The following WNT5A variants were observed in gnomAD, a reference collection of about 807,000 sequenced individuals.
WNT5A encodes Wnt family member 5A, also known as protein Wnt-5a.
WNT5A carries 9 observed loss-of-function variants against 42.1 expected under a neutral mutation model. The ratio of observed to expected loss-of-function variants is 0.21; its 90% CI spans 0.13 to 0.37. WNT5A has a LOEUF of 0.37. Among genes scored for constraint, WNT5A ranks in the 10% least tolerant of loss-of-function variants. WNT5A has a pLI of 1.00. For synonymous variants in WNT5A, 210 were observed against 210.0 expected (o/e 1.00, Z 0.00); for missense variants, 426 against 534.0 (o/e 0.80, Z 1.99).
chr3:55,487,088 C>T lies in WNT5A; in HGVS notation c.-103G>A. On this transcript the variant is annotated 5_prime_UTR_variant, in exon 1 of 5. Transcript: ENST00000264634. ...TTAAGCCTGGGGGGACGGTCAGGAG[C>T]AGGGCTGCGGAGTCCTCCGGCGCGC... The T allele has an allele frequency of 1.9e-6, 2 of 1,053,662 alleles. No individual in the cohort carries two copies. Among genetic ancestry groups the T allele is most frequent in the South Asian group, 1.5e-5 (1 of 67,894 alleles). The allele number at this position is 1,053,662 out of a possible 1,614,324, so 65.3% of individuals were successfully genotyped here. A position where few individuals can be genotyped will look rare whatever the true frequency, so the allele number is the denominator to read the frequency against.
rs1344002623 is a variant in WNT5A, at chr3:55,483,366, G to A, written c.7-2448C>T. Among the ~76,000 whole-genome samples, 1 of 152,068 alleles carries A rather than the reference G, an allele frequency of 6.6e-6. No homozygotes were observed. Among genetic ancestry groups the A allele is most frequent in the Non-Finnish European group, 1.5e-5 (1 of 68,030 alleles). On this transcript the variant is annotated intron_variant, in intron 1 of 4. Coordinates refer to ENST00000264634, the MANE Select transcript of WNT5A (RefSeq NM_003392.7). This position sits in a 1 kb window ranked among gnomAD's most constrained non-coding sequence, Gnocchi z 4.2. ...TTCAATCCCAGTGCAACCGAGAAAA[G>A]GCCCCACAAGTTTGAGACACTCAAA... is the stretch of plus-strand genomic sequence containing the variant.
Position 55,486,996 on chromosome 3 carries a change from A to C in WNT5A, c.-11T>G, listed in dbSNP as rs1287224282. 6.4e-7 allele frequency: 1 copy of C among 1,569,580 alleles called. No individual in the cohort carries two copies. Among genetic ancestry groups the C allele is most frequent in the Non-Finnish European group, 8.7e-7 (1 of 1,153,978 alleles). On this transcript the variant is annotated 5_prime_UTR_variant, in exon 1 of 5. Transcript: ENST00000264634. Reference sequence around the variant, plus strand: ...AACACCTACCTTCATGGCGAGGGGGAGGGGGCGCGGGGAGGAAGTCGCCAC... The same window carrying C: ...AACACCTACCTTCATGGCGAGGGGGCGGGGGCGCGGGGAGGAAGTCGCCAC...
At position 55,469,979 on chromosome 3, in the gene WNT5A, T is replaced by G. The variant is rs2051214509; in HGVS notation, c.*113A>C. ...TAACAGGAAAAAAAATGGTTCCGGT[T>G]GCAATTCTTGGGGAAAAATAAAAAA... is the stretch of plus-strand genomic sequence containing the variant. On this transcript the variant is annotated 3_prime_UTR_variant, in exon 5 of 5. Coordinates refer to ENST00000264634, the MANE Select transcript of WNT5A (RefSeq NM_003392.7). The G allele has an allele frequency of 2.3e-6, 3 of 1,299,546 alleles. No individual in the cohort carries two copies. The Admixed American group carries it at 6.1e-5, about 27-fold the overall frequency. 80.5% of individuals were successfully genotyped at this position (1,299,546 alleles called of 1,614,324 possible). A position where few individuals can be genotyped will look rare whatever the true frequency, so the allele number is the denominator to read the frequency against.
In WNT5A at chr3:55,474,504, G is replaced by C; in HGVS notation, c.517C>G (p.Leu173Val). The C allele has an allele frequency of 1.9e-6, 3 of 1,582,788 alleles. No individual in the cohort carries two copies. Among genetic ancestry groups the C allele is most frequent in the Non-Finnish European group, 2.6e-6 (3 of 1,166,504 alleles). Residue 173 changes from leucine (L) to valine (V), a missense_variant, in exon 4 of 5, where the codon CTG (leucine) becomes GTG (valine). Transcript: ENST00000264634. ...GCSRAARPKD[L>V]PRDWLWGGCG... ...CCGCCCCAGAGCCAGTCCCGCGGCA[G>C]GTCCTTGGGGCGCGCGGCGCGGCTG...
At chr3:55,488,577 T>G (rs1386500168), upstream of WNT5A, among the ~76,000 whole-genome samples, 1 of 151,958 alleles carries the variant, frequency 6.6e-6, no homozygotes, top group Admixed American at 6.5e-5. Flanking sequence ...TGCAGGATTT[T>G]AAAGCCGTAC....
upstream of WNT5A, among the ~76,000 whole-genome samples, chr3:55,491,865 G>A (rs944823217): frequency 6.6e-6 from 1 of 152,236 alleles, no homozygotes; most frequent in African/African-American, 2.4e-5. Flanking sequence ...TGTGAGCAGG[G>A]CCACAGATGG....
Position 55,467,609 on chromosome 3 carries a change from T to C in WNT5A, c.*2483A>G, listed in dbSNP as rs1006492780. ...TATACAAGTAACGTTTTATTTTATATTCTATCTTCCATTTGGCATAAGCCT... is the reference window on the plus strand; with the variant it reads ...TATACAAGTAACGTTTTATTTTATACTCTATCTTCCATTTGGCATAAGCCT... On this transcript the variant is annotated 3_prime_UTR_variant, in exon 5 of 5. Transcript: ENST00000264634. The C allele has an allele frequency of 6.6e-6, 1 of 152,618 alleles. No individual in the cohort carries two copies. Among genetic ancestry groups the C allele is most frequent in the African/African-American group, 2.4e-5 (1 of 41,464 alleles). The allele number at this position is 152,618 out of a possible 1,614,324, so 9.5% of individuals were successfully genotyped here.
In WNT5A at chr3:55,487,162, G is replaced by T; in HGVS notation, c.-177C>A. On this transcript the variant is annotated 5_prime_UTR_variant, in exon 1 of 5. Transcript: ENST00000264634. ...AGCTGAAGCGGGCACTGGCGCCCGGGCCTGGACTCCCGAGTTGGGGCAGAG... is the reference window on the plus strand; with the variant it reads ...AGCTGAAGCGGGCACTGGCGCCCGGTCCTGGACTCCCGAGTTGGGGCAGAG... 1 of 598,730 alleles carries T rather than the reference G, an allele frequency of 1.7e-6. No individual in the cohort carries two copies. Among genetic ancestry groups the T allele is most frequent in the Non-Finnish European group, 2.9e-6 (1 of 339,712 alleles). 37.1% of individuals were successfully genotyped at this position (598,730 alleles called of 1,614,324 possible). A position where few individuals can be genotyped will look rare whatever the true frequency, so the allele number is the denominator to read the frequency against.
intron 2 of WNT5A, among the ~76,000 whole-genome samples, 195 bp downstream of exon 2, chr3:55,480,590 T>G (rs963872749): frequency 1.2e-4 from 19 of 152,308 alleles, no homozygotes; most frequent in African/African-American, 4.6e-4. Context: ...CCCTAGGAGC[T>G]GAAGATAAGC....
At chr3:55,474,099 G>A (rs2051302251) in intron 4 of WNT5A, among the ~76,000 whole-genome samples, 1 of 152,148 alleles carries the variant, frequency 6.6e-6, no homozygotes, top group Non-Finnish European at 1.5e-5. Context: ...GACCGGGAAG[G>A]AGGAAAGGAA....
chr3:55,494,736 A>C (rs960190464), upstream of WNT5A, among the ~76,000 whole-genome samples: 1 of 152,072 alleles, frequency 6.6e-6, no homozygotes, highest in Non-Finnish European at 1.5e-5. Flanking sequence ...ACAGCGTTTC[A>C]CCATGTTGGC....
intron 4 of WNT5A, among the ~76,000 whole-genome samples, chr3:55,473,779 G>A (rs1038192223): frequency 1.3e-5 from 2 of 151,832 alleles, no homozygotes; most frequent in East Asian, 3.9e-4. Flanking sequence ...TCAAAGCTGG[G>A]GTGAGGGCTT....
At position 55,469,053 on chromosome 3, in the gene WNT5A, G is replaced by C. The variant is rs915256232; in HGVS notation, c.*1039C>G. On this transcript the variant is annotated 3_prime_UTR_variant, in exon 5 of 5. Coordinates refer to ENST00000264634, the MANE Select transcript of WNT5A (RefSeq NM_003392.7). ...ATCACATCACAACACGGAGGAATCAGAGAGGGCTCAGTGTGAAGAGGAAGG... is the reference window on the plus strand; with the variant it reads ...ATCACATCACAACACGGAGGAATCACAGAGGGCTCAGTGTGAAGAGGAAGG... 6.6e-6 allele frequency: 1 copy of C among 152,258 alleles called. No homozygotes were observed. Among genetic ancestry groups the C allele is most frequent in the African/African-American group, 2.4e-5 (1 of 41,460 alleles). 9.4% of individuals were successfully genotyped at this position (152,258 alleles called of 1,614,324 possible).
chr3:55,480,926 G>A lies in WNT5A; in HGVS notation c.7-8C>T, dbSNP rs764190417. 1.1e-5 allele frequency: 16 copies of A among 1,515,158 alleles called. No individual in the cohort carries two copies. The highest frequency in any genetic ancestry group is 9.3e-5 in the East Asian group (4 of 42,986). 93.9% of individuals were successfully genotyped at this position (1,515,158 alleles called of 1,614,324 possible). On this transcript the variant is annotated splice_region_variant and splice_polypyrimidine_tract_variant and intron_variant, in intron 1 of 4. Transcript: ENST00000264634. ...TAATATTCCAATGGACTTCTGGAGA[G>A]GGAAGAAAGGAGCAGATGTTTATTG...
At chr3:55,496,553 G>T in the WNT5A span, among the ~76,000 whole-genome samples, 2 of 152,138 alleles carry the variant, frequency 1.3e-5, no homozygotes, top group Non-Finnish European at 2.9e-5. Flanking sequence ...ATACAGGAAC[G>T]CGATGGCTCC....
intron 4 of WNT5A, among the ~76,000 whole-genome samples, chr3:55,472,482 C>T (rs999574496): frequency 6.6e-6 from 1 of 152,192 alleles, no homozygotes; most frequent in Non-Finnish European, 1.5e-5. Context: ...AGCGATACAT[C>T]CCTGAAGAGG....
the WNT5A span, chr3:55,501,812 T>A: frequency 6.6e-6 from 1 of 152,328 alleles, no homozygotes; most frequent in African/African-American, 2.4e-5. Context: ...TAATGACCCC[T>A]CTTGTCCAAT....
chr3:55,480,173 GA>G (rs1180731537), intron 2 of WNT5A, among the ~76,000 whole-genome samples: 1 of 152,058 alleles, frequency 6.6e-6, no homozygotes, highest in Non-Finnish European at 1.5e-5. Context: ...CATTTACAGG[GA>G]AAAAAATACC....
chr3:55,498,371 C>CCGCG, the WNT5A span, among the ~76,000 whole-genome samples: 1 of 152,144 alleles, frequency 6.6e-6, no homozygotes. Context: ...ACTAAATGAG[C>CCGCG]CGCGGCTCCC....
Sources: allele counts gnomAD v4.1 joint callset (sites outside exome capture counted in the v4.1 genomes callset), GRCh38; gene constraint gnomAD v4.1.1; non-coding constraint Gnocchi (gnomAD v3.1); transcripts MANE v1.5; gene names NCBI Gene and HGNC (gene_info 2026-07-23, HGNC 2026-07-21).